PPFIA2: variants seen among roughly 807,000 people sequenced by gnomAD.
PPFIA2 encodes PPFI scaffold protein A2, also known as liprin-alpha-2.
PPFIA2 carries 46 observed loss-of-function variants against 175.5 expected under a neutral mutation model. That is an observed-to-expected ratio of 0.26 (90% CI 0.21 to 0.34). The LOEUF (loss-of-function observed/expected upper bound fraction) is 0.34. PPFIA2 is among the 10% of genes least tolerant of loss of function. The pLI is 1.00. For missense variants in PPFIA2, 1,179 were observed against 1,506.1 expected (o/e 0.78, Z 3.60); for synonymous variants, 568 against 511.4 (o/e 1.11, Z -1.49).
intron 4 of PPFIA2, among the ~76,000 whole-genome samples, chr12:81,537,839 T>A (rs1594677769): frequency 6.6e-6 from 1 of 151,848 alleles, no homozygotes; most frequent in African/African-American, 2.4e-5. Context: ...GAGAACTGGC[T>A]GGCTAAAAGG....
At chr12:81,287,781 C>T (rs2043842886) in intron 24 of PPFIA2, among the ~76,000 whole-genome samples, 1 of 151,752 alleles carries the variant, frequency 6.6e-6, no homozygotes, top group African/African-American at 2.4e-5. Flanking sequence ...AGCATCCCTA[C>T]AAGATAGCTA....
intron 3 of PPFIA2, among the ~76,000 whole-genome samples, chr12:81,691,267 C>T (rs899845773): frequency 1.3e-5 from 2 of 152,144 alleles, no homozygotes; most frequent in Non-Finnish European, 2.9e-5. Context: ...TTATTTTCAT[C>T]TATATATTGC....
At chr12:81,587,949 T>C (rs1244242166) in intron 4 of PPFIA2, among the ~76,000 whole-genome samples, 2 of 152,022 alleles carry the variant, frequency 1.3e-5, no homozygotes, top group African/African-American at 2.4e-5. Context: ...TCAAAAAGCA[T>C]AGAAACTTTC....
At chr12:81,727,424 A>C (rs1240719650) in intron 3 of PPFIA2, among the ~76,000 whole-genome samples, 1 of 151,396 alleles carries the variant, frequency 6.6e-6, no homozygotes, top group African/African-American at 2.4e-5. Context: ...AGAATGATAG[A>C]AAAGTAATAT....
In PPFIA2 at chr12:81,552,405, T is replaced by C. The variant is rs183883677; in HGVS notation, c.304-94539A>G. Among the ~76,000 whole-genome samples, 9 of 151,976 alleles carry C rather than the reference T, an allele frequency of 5.9e-5. No homozygotes were observed. The South Asian group carries it at 1.0e-3, about 18-fold the overall frequency. Reference sequence around the variant, plus strand: ...AACAGACTTAGTCATAACAGTTAATTACAGAGACAGGTATTTACTTTGTAA... The same window carrying C: ...AACAGACTTAGTCATAACAGTTAATCACAGAGACAGGTATTTACTTTGTAA... On this transcript the variant is annotated intron_variant, in intron 4 of 32. Coordinates refer to ENST00000549396, the MANE Select transcript of PPFIA2 (RefSeq NM_003625.5).
intron 7 of PPFIA2, among the ~76,000 whole-genome samples, chr12:81,416,456 AG>A (rs1353892129): frequency 1.3e-5 from 2 of 151,636 alleles, no homozygotes; most frequent in Non-Finnish European, 3.0e-5. Context: ...TTGCGTTAAA[AG>A]TTTTGAATTT....
intron 3 of PPFIA2, among the ~76,000 whole-genome samples, chr12:81,745,915 C>T (rs1169104366): frequency 6.6e-6 from 1 of 152,208 alleles, no homozygotes; most frequent in Non-Finnish European, 1.5e-5. Flanking sequence ...ATTTCTCATA[C>T]ATGGAGTGGT....
chr12:81,353,310 A>G lies in PPFIA2; in HGVS notation c.1803T>C (p.Asn601=), dbSNP rs781261927. The G allele has an allele frequency of 8.7e-6, 14 of 1,613,444 alleles. No individual in the cohort carries two copies. The highest frequency in any genetic ancestry group is 2.2e-5 in the South Asian group (2 of 91,090). ...KVKSLGDHEW[N]RTQQIGVLSS... Reference sequence around the variant, plus strand: ...TTAGTACTCCAATCTGTTGAGTTCTATTCCACTCGTGATCCCCAAGAGATT... The same window carrying G: ...TTAGTACTCCAATCTGTTGAGTTCTGTTCCACTCGTGATCCCCAAGAGATT... Residue 601 remains asparagine, a synonymous_variant, in exon 17 of 33, where the codon AAT becomes AAC. Coordinates refer to ENST00000549396, the MANE Select transcript of PPFIA2 (RefSeq NM_003625.5).
chr12:81,366,107 TTC>T (rs1433426090), intron 14 of PPFIA2, among the ~76,000 whole-genome samples: 1 of 146,708 alleles, frequency 6.8e-6, no homozygotes, highest in African/African-American at 2.5e-5. Flanking sequence ...CTTTCCTTCA[TTC>T]TCTTTTTCCC....
chr12:81,725,091 A>AT (rs2079882283), intron 3 of PPFIA2, among the ~76,000 whole-genome samples: 1 of 151,032 alleles, frequency 6.6e-6, no homozygotes, highest in Admixed American at 6.6e-5. Context: ...GATGTTGAAC[A>AT]TTTTTTCATA....
chr12:81,541,695 C>T (rs1455024064), intron 4 of PPFIA2, among the ~76,000 whole-genome samples: 2 of 151,946 alleles, frequency 1.3e-5, no homozygotes, highest in African/African-American at 4.8e-5. Flanking sequence ...CTAATAGTTC[C>T]TTGAATATTT....
intron 4 of PPFIA2, among the ~76,000 whole-genome samples, chr12:81,588,232 C>T (rs527462287): frequency 2.0e-5 from 3 of 151,932 alleles, no homozygotes; most frequent in African/African-American, 4.8e-5. Flanking sequence ...AAAGCTAATA[C>T]ACACATTTAG....
chr12:81,677,797 T>C (rs1318190146), intron 3 of PPFIA2, among the ~76,000 whole-genome samples: 2 of 151,888 alleles, frequency 1.3e-5, no homozygotes, highest in Non-Finnish European at 1.5e-5. Context: ...GTTAAATTTA[T>C]AAATGGGGAA....
At chr12:81,732,695 A>G (rs1173469502) in intron 3 of PPFIA2, among the ~76,000 whole-genome samples, 1 of 151,548 alleles carries the variant, frequency 6.6e-6, no homozygotes, top group Non-Finnish European at 1.5e-5. Context: ...AATGACATAG[A>G]TAATTGCTCA....
chr12:81,356,682 AAT>A (rs2060904426), intron 16 of PPFIA2, among the ~76,000 whole-genome samples: 1 of 152,104 alleles, frequency 6.6e-6, no homozygotes, highest in Admixed American at 6.6e-5. Flanking sequence ...AAAAAAAAGA[AAT>A]ATTGTGAAAA....
intron 30 of PPFIA2, among the ~76,000 whole-genome samples, chr12:81,264,795 C>G (rs146830201): frequency 6.6e-6 from 1 of 152,310 alleles, no homozygotes; most frequent in African/African-American, 2.4e-5. Context: ...CTCTTCCCAA[C>G]TGCTGTGTTT....
At chr12:81,477,902 A>G (rs2057689302) in intron 4 of PPFIA2, among the ~76,000 whole-genome samples, 1 of 151,332 alleles carries the variant, frequency 6.6e-6, no homozygotes, top group Non-Finnish European at 1.5e-5. Flanking sequence ...AGGTTTTGGT[A>G]TCAGGATGAT....
At chr12:81,633,042 T>C (rs184361440) in intron 4 of PPFIA2, among the ~76,000 whole-genome samples, 15 of 152,218 alleles carry the variant, frequency 9.9e-5, no homozygotes, top group Admixed American at 7.2e-4. Flanking sequence ...GATTATCACA[T>C]TGAATATTCA....
chr12:81,576,650 T>C (rs185222137), intron 4 of PPFIA2, among the ~76,000 whole-genome samples: 9 of 151,986 alleles, frequency 5.9e-5, no homozygotes, highest in Non-Finnish European at 1.0e-4. Context: ...AATAAATCTC[T>C]ATCAAGGCTA....
Sources: gnomAD v4.1 joint callset for allele counts (sites outside exome capture counted in the v4.1 genomes callset) on GRCh38, gnomAD v4.1.1 for gene constraint, MANE v1.5 for transcripts, NCBI Gene and HGNC (gene_info 2026-07-23, HGNC 2026-07-21) for gene names.